DPP3: variants seen among roughly 807,000 people sequenced by gnomAD.
DPP3 encodes DPP III.
In DPP3, 64 loss-of-function variants were observed where a neutral mutation model predicts 89.8. The ratio of observed to expected loss-of-function variants is 0.71; its 90% CI spans 0.58 to 0.88. DPP3 has a LOEUF of 0.88. Ranked by LOEUF, DPP3 falls within the 40% of genes least tolerant of loss-of-function variation. The pLI is 0.00. For missense variants in DPP3, 835 were observed against 972.5 expected (o/e 0.86, Z 1.88); for synonymous variants, 377 against 404.3 (o/e 0.93, Z 0.81).
At chr11:66,493,478 G>A (rs921265423) in intron 11 of DPP3, 63 bp from the exon 12 acceptor site, 171 of 1,549,824 alleles carry the variant, frequency 1.1e-4, no homozygotes, top group Middle Eastern at 2.2e-4. Flanking sequence ...GGGAGGGGAG[G>A]CCGACAGGCT....
chr11:66,505,194 A>T (rs1419699223), intron 17 of DPP3, among the ~76,000 whole-genome samples: 2 of 152,166 alleles, frequency 1.3e-5, no homozygotes, highest in Non-Finnish European at 2.9e-5. Flanking sequence ...CACATCCAGG[A>T]TGGTGATCAA....
At position 66,493,123 on chromosome 11, in the gene DPP3, G is replaced by T. The variant is rs1002359383; in HGVS notation, c.1240G>T (p.Ala414Ser). ...FKNVSLGNVL[A>S]VAYATQREKL... ...GAACGTGTCGCTGGGGAATGTGCTG[G>T]CTGTGGCCTACGCCACGCAGCGGGA... The change falls in exon 11 of 18, where the codon GCT becomes TCT. Residue 414 changes from alanine (A) to serine (S), a missense_variant. Transcript: ENST00000531863. 1 of 1,614,154 alleles carries T rather than the reference G, an allele frequency of 6.2e-7. No individual in the cohort carries two copies.
chr11:66,502,312 CTTT>C (rs1169248661), intron 16 of DPP3, among the ~76,000 whole-genome samples: 7 of 143,678 alleles, frequency 4.9e-5, no homozygotes, highest in Admixed American at 2.1e-4. Flanking sequence ...GAGTGTCCGT[CTTT>C]TTTTTTTTTT....
rs1450972593 is a variant in DPP3, at chr11:66,487,260, C to A, written c.499-8C>A. ...CCTCTTTCTCATGTCCCCTGTCTTC[C>A]CCAACAGGGAATCACCACCTATTTC... is the stretch of plus-strand genomic sequence containing the variant. On this transcript the variant is annotated splice_region_variant and splice_polypyrimidine_tract_variant and intron_variant, in intron 4 of 17. Transcript: ENST00000531863. 1.9e-6 allele frequency: 3 copies of A among 1,613,830 alleles called. No homozygotes were observed. The highest frequency in any genetic ancestry group is 2.5e-6 in the Non-Finnish European group (3 of 1,179,770).
rs769218505 is a variant in DPP3, at chr11:66,504,698, C to T, written c.1965C>T (p.Phe655=). The change falls in exon 17 of 18, where the codon TTC becomes TTT. Residue 655 remains phenylalanine (F), a synonymous_variant. Coordinates refer to ENST00000531863, the MANE Select transcript of DPP3 (RefSeq NM_130443.4). ...ATVTDAPPEC[F]LTLRDTVLLR... is the part of the protein sequence containing the mutation. ...TCACTGATGCGCCCCCCGAGTGCTT[C>T]CTCACCCTCAGGGACACGGTGCTGC... 9 of 1,613,368 alleles carry T rather than the reference C, an allele frequency of 5.6e-6. No individual in the cohort carries two copies. The highest frequency in any genetic ancestry group is 3.5e-4 in the Middle Eastern group (2 of 5,682).
chr11:66,506,035 C>T (rs542182748), intron 17 of DPP3, among the ~76,000 whole-genome samples: 146 of 152,182 alleles, frequency 9.6e-4, no homozygotes, highest in Non-Finnish European at 1.8e-3. Flanking sequence ...TTGCAACCTC[C>T]GCCTCTGGGT....
At chr11:66,488,118 C>T in intron 6 of DPP3, 111 bp downstream of exon 6, 1 of 940,086 alleles carries the variant, frequency 1.1e-6, no homozygotes, top group Non-Finnish European at 1.6e-6. Context: ...CCTTCTCTCC[C>T]AGGATTTTCT....
intron 10 of DPP3, 26 bp downstream of exon 10, chr11:66,492,936 AG>A: frequency 6.3e-7 from 1 of 1,597,884 alleles, no homozygotes; most frequent in Non-Finnish European, 8.5e-7. Context: ...CCAGCCCCCG[AG>A]CCCCAGAAAC....
chr11:66,491,880 A>G (rs1855403813), intron 9 of DPP3, 124 bp downstream of exon 9: 1 of 1,078,644 alleles, frequency 9.3e-7, no homozygotes, highest in Non-Finnish European at 1.4e-6. Context: ...AAGAACAGCC[A>G]TGGTAAATAA....
rs754622319 is a variant in DPP3 at position 66,482,509 on chromosome 11, T to A, written c.270+39T>A. On this transcript the variant is annotated intron_variant, in intron 2 of 17. Coordinates refer to ENST00000531863, the MANE Select transcript of DPP3 (RefSeq NM_130443.4). ...GGCCAACCCACATTACCTGAGTGGC[T>A]TCTGGGTGTGAAAGACCAGGATGCA... 6.9e-6 allele frequency: 11 copies of A among 1,585,142 alleles called. No individual in the cohort carries two copies. The East Asian group carries it at 2.3e-4, about 32-fold the overall frequency.
At chr11:66,494,630 C>G (rs111462457) in intron 12 of DPP3, among the ~76,000 whole-genome samples, 1,620 of 152,314 alleles carry the variant, frequency 0.011, 28 homozygotes, top group African/African-American at 0.037. Context: ...TGTTGAGAGA[C>G]AGCGTCCACG....
At chr11:66,503,063 G>T (rs1381904085) in intron 16 of DPP3, among the ~76,000 whole-genome samples, 1 of 151,972 alleles carries the variant, frequency 6.6e-6, no homozygotes, top group East Asian at 1.9e-4. Context: ...TCACCTCCTG[G>T]GTTCAAGCGA....
rs748680662 is a variant in DPP3 at position 66,491,377 on chromosome 11, A to C, written c.792A>C (p.Lys264Asn). Reference protein sequence around the residue: ...ILQKVVEQLEKAKAYAANSHQ... With the variant: ...ILQKVVEQLENAKAYAANSHQ... ...AGAAGGTGGTGGAGCAGCTGGAGAA[A>C]GCCAAGGTTGGACTGGCTGGGGGCT... The change falls in exon 7 of 18, where the codon AAA becomes AAC. Residue 264 changes from lysine to asparagine, a missense_variant. Transcript: ENST00000531863. 1.2e-6 allele frequency: 2 copies of C among 1,613,596 alleles called. No homozygotes were observed. The highest frequency in any genetic ancestry group is 2.2e-5 in the South Asian group (2 of 91,058).
chr11:66,494,354 C>G (rs568801440), intron 12 of DPP3, among the ~76,000 whole-genome samples: 1 of 152,304 alleles, frequency 6.6e-6, no homozygotes, highest in Admixed American at 6.5e-5. Flanking sequence ...GGGGCTGCTT[C>G]CCTGGATCAG....
At chr11:66,495,173 G>A (rs781326671) in intron 12 of DPP3, 33 bp from the exon 13 acceptor site, 1 of 1,612,160 alleles carries the variant, frequency 6.2e-7, no homozygotes, top group Non-Finnish European at 8.5e-7. Context: ...CCAGTTGGGG[G>A]CGCCTTTCCC....
At chr11:66,482,611 C>T in intron 2 of DPP3, 141 bp downstream of exon 2, 1 of 1,257,738 alleles carries the variant, frequency 8.0e-7, no homozygotes, top group African/African-American at 1.5e-5. Context: ...CTCTCTGGAG[C>T]CTCAGTCTTC....
At chr11:66,482,763 A>G (rs1855123090) in intron 2 of DPP3, among the ~76,000 whole-genome samples, 1 of 152,010 alleles carries the variant, frequency 6.6e-6, no homozygotes, top group Non-Finnish European at 1.5e-5. Flanking sequence ...GGGAAGGCAG[A>G]AGAAGGAGTC....
chr11:66,488,087 C>A, intron 6 of DPP3, 80 bp downstream of exon 6: 1 of 1,226,576 alleles, frequency 8.2e-7, no homozygotes, highest in South Asian at 1.4e-5. Flanking sequence ...ACCAACTCTG[C>A]CACTCCTTCA....
rs754859376 is a variant in DPP3, at chr11:66,488,015, T to C, written c.667+8T>C. 4 of 1,613,188 alleles carry C rather than the reference T, an allele frequency of 2.5e-6. No individual in the cohort carries two copies. Among genetic ancestry groups the C allele is most frequent in the Admixed American group, 3.3e-5 (2 of 59,904 alleles). ...CTTCTGTGCTTGGCTCAGGTGAGCT[T>C]AGCCCCAGGCTTCCCTTCTGCTCCC... On this transcript the variant is annotated splice_region_variant and intron_variant, in intron 6 of 17. Coordinates refer to ENST00000531863, the MANE Select transcript of DPP3 (RefSeq NM_130443.4).
Sources: gnomAD v4.1 joint callset for allele counts (sites outside exome capture counted in the v4.1 genomes callset) on GRCh38, gnomAD v4.1.1 for gene constraint, MANE v1.5 for transcripts, NCBI Gene and HGNC (gene_info 2026-07-23, HGNC 2026-07-21) for gene names.